ZBTB38: variants seen among roughly 807,000 people sequenced by gnomAD.
ZBTB38 encodes the protein zinc finger and BTB domain containing 38.
Under a neutral mutation model 76.8 loss-of-function variants are expected in ZBTB38, and 20 were observed. The observed-to-expected ratio is 0.26, with a 90% CI of 0.18 to 0.38. ZBTB38 has a LOEUF of 0.38. ZBTB38 is among the 10% of genes least tolerant of loss of function. The pLI is 1.00. For missense variants in ZBTB38, 1,082 were observed against 1,482.3 expected (o/e 0.73, Z 4.43); for synonymous variants, 504 against 544.2 (o/e 0.93, Z 1.03).
intron 5 of ZBTB38, among the ~76,000 whole-genome samples, chr3:141,441,915 C>T (rs111651346): frequency 1.5e-5 from 2 of 137,518 alleles, no homozygotes; most frequent in Non-Finnish European, 3.2e-5. Flanking sequence ...GACTTTGTCT[C>T]AAAAAAAAAA....
At chr3:141,340,988 A>AAGAAAGAG (rs1553760160) in intron 1 of ZBTB38, among the ~76,000 whole-genome samples, 2 of 139,566 alleles carry the variant, frequency 1.4e-5, no homozygotes, top group Admixed American at 7.1e-5. Context: ...GAAAGAAAGA[A>AAGAAAGAG]AGAGAAAGAA....
intron 3 of ZBTB38, among the ~76,000 whole-genome samples, chr3:141,382,039 C>T (rs1451092592): frequency 1.3e-5 from 2 of 152,092 alleles, no homozygotes; most frequent in Admixed American, 6.6e-5. Flanking sequence ...GGAAAAAAAT[C>T]ATAATAGCTA....
chr3:141,339,283 T>C (rs1943104178), intron 1 of ZBTB38, among the ~76,000 whole-genome samples: 1 of 152,250 alleles, frequency 6.6e-6, no homozygotes, highest in Non-Finnish European at 1.5e-5. Context: ...TGAACTGTTC[T>C]AGGCCTAACA....
intron 5 of ZBTB38, chr3:141,434,214 A>G: frequency 1.0e-6 from 1 of 985,354 alleles, no homozygotes; most frequent in Non-Finnish European, 1.2e-6. Context: ...ATAAGACATC[A>G]ACTGAGACAA....
intron 1 of ZBTB38, among the ~76,000 whole-genome samples, chr3:141,346,558 C>T (rs1032782084): frequency 8.5e-5 from 13 of 152,114 alleles, no homozygotes; most frequent in African/African-American, 1.4e-4. Flanking sequence ...AAGGGCAGCG[C>T]GGTTGGCAGC....
chr3:141,343,404 G>A (rs768623298), intron 1 of ZBTB38, among the ~76,000 whole-genome samples: 5 of 152,136 alleles, frequency 3.3e-5, no homozygotes, highest in Non-Finnish European at 7.4e-5. Flanking sequence ...GGTCATGAGA[G>A]CCAGGGAGGT....
chr3:141,364,352 G>T (rs1230931065), upstream of ZBTB38, among the ~76,000 whole-genome samples: 1 of 149,926 alleles, frequency 6.7e-6, no homozygotes, highest in African/African-American at 2.5e-5. Context: ...CTTGTGTCTG[G>T]GATATATAAA....
chr3:141,431,029 A>C (rs1328509149), intron 5 of ZBTB38, among the ~76,000 whole-genome samples: 1 of 152,004 alleles, frequency 6.6e-6, no homozygotes, highest in Non-Finnish European at 1.5e-5. Context: ...ACCTTCTATT[A>C]ATACATTTTG....
intron 5 of ZBTB38, among the ~76,000 whole-genome samples, chr3:141,408,928 T>G (rs1430553716): frequency 6.6e-6 from 1 of 152,256 alleles, no homozygotes; most frequent in Non-Finnish European, 1.5e-5. Context: ...GAGTTAGGTC[T>G]GTACCTTATA....
intron 2 of ZBTB38, among the ~76,000 whole-genome samples, chr3:141,379,500 T>C (rs1945889119): frequency 6.6e-6 from 1 of 152,160 alleles, no homozygotes; most frequent in African/African-American, 2.4e-5. Flanking sequence ...TTAGAGGGAC[T>C]CAACTCAAGA....
Position 141,445,488 on chromosome 3 carries a change from G to A in ZBTB38, c.3100G>A (p.Gly1034Arg). 6.2e-7 allele frequency: 1 copy of A among 1,614,156 alleles called. No homozygotes were observed. Among genetic ancestry groups the A allele is most frequent in the South Asian group, 1.1e-5 (1 of 91,080 alleles). Residue 1034 changes from glycine to arginine, a missense_variant, in exon 6 of 6, where the codon GGG becomes AGG. Physicochemically the swap from Gly to Arg is moderately radical, Grantham distance 125 (BLOSUM62 -2). Around this residue, in one of 8 missense-constraint regions of ZBTB38, gnomAD observed 69 missense variants for 148.2 expected, o/e 0.47. Transcript: ENST00000321464. This position sits in a 1 kb window ranked among gnomAD's most constrained non-coding sequence, Gnocchi z 6.5. ...TLKMHMRCHT[G>R]EKPYQCKTCG... ...CAAAATGCACATGAGATGTCACACC[G>A]GGGAGAAGCCATACCAGTGCAAGAC...
At chr3:141,423,717 A>C (rs2075864752) in intron 5 of ZBTB38, among the ~76,000 whole-genome samples, 2 of 152,242 alleles carry the variant, frequency 1.3e-5, no homozygotes, top group African/African-American at 4.8e-5. Flanking sequence ...ATAAAGCACA[A>C]TAAACATGCC....
intron 5 of ZBTB38, among the ~76,000 whole-genome samples, chr3:141,428,236 G>A (rs1346352558): frequency 6.6e-6 from 1 of 152,208 alleles, no homozygotes; most frequent in Non-Finnish European, 1.5e-5. Flanking sequence ...GTCTTTTCCA[G>A]CTGCCAGCTT....
At chr3:141,340,239 A>G (rs1313200946) in intron 1 of ZBTB38, among the ~76,000 whole-genome samples, 3 of 152,238 alleles carry the variant, frequency 2.0e-5, no homozygotes, top group Non-Finnish European at 4.4e-5. Flanking sequence ...TAGAGTTTTC[A>G]ATAATATTCA....
At chr3:141,431,341 A>AAAAAAAAAAATATATATATAT in intron 5 of ZBTB38, among the ~76,000 whole-genome samples, 23 of 103,272 alleles carry the variant, frequency 2.2e-4, no homozygotes, top group East Asian at 6.0e-4. Flanking sequence ...AAAAAAAAAA[A>AAAAAAAAAAATATATATATAT]ATATATATAT....
intron 5 of ZBTB38, among the ~76,000 whole-genome samples, chr3:141,430,279 G>C (rs2077217967): frequency 1.3e-5 from 2 of 152,020 alleles, no homozygotes; most frequent in South Asian, 2.1e-4. Context: ...GTTGGTCAGG[G>C]TGGCCTTGAA....
intron 3 of ZBTB38, among the ~76,000 whole-genome samples, chr3:141,385,649 AGTGTGTGT>A (rs10617390): frequency 3.4e-5 from 5 of 147,040 alleles, no homozygotes; most frequent in South Asian, 2.2e-4. Flanking sequence ...TCGAGCTTTG[AGTGTGTGT>A]GTGTGTGTGT....
chr3:141,402,342 G>C (rs1324797684), intron 4 of ZBTB38: 1 of 151,578 alleles, frequency 6.6e-6, no homozygotes, highest in African/African-American at 2.4e-5. Context: ...CCGAGCCGCC[G>C]GCGTCCATTT....
chr3:141,354,964 A>G (rs887267776), intron 1 of ZBTB38, among the ~76,000 whole-genome samples: 6 of 151,966 alleles, frequency 3.9e-5, no homozygotes, highest in African/African-American at 1.5e-4. Context: ...TATTTTTAGG[A>G]TGGGTAGTGG....
Sources: allele counts gnomAD v4.1 joint callset (sites outside exome capture counted in the v4.1 genomes callset), GRCh38; gene constraint gnomAD v4.1.1; regional missense constraint gnomAD v4.1.1; non-coding constraint Gnocchi (gnomAD v3.1); transcripts MANE v1.5; gene names NCBI Gene and HGNC (gene_info 2026-07-23, HGNC 2026-07-21).